The following RAPGEF2 variants were observed in gnomAD, a reference collection of about 807,000 sequenced individuals.
RAPGEF2 encodes the protein PDZ domain containing guanine nucleotide exchange factor (GEF) 1.
RAPGEF2 carries 54 observed loss-of-function variants against 186.7 expected under a neutral mutation model. That is an observed-to-expected ratio of 0.29 (90% CI 0.23 to 0.36). RAPGEF2 has a LOEUF of 0.36. RAPGEF2 is among the 10% of genes least tolerant of loss of function. The probability of loss-of-function intolerance (pLI) is 1.00; values close to 1 mark genes in which losing one functional copy is unlikely to be tolerated. For synonymous variants in RAPGEF2, 712 were observed against 705.9 expected (o/e 1.01, Z -0.14); for missense variants, 1,532 against 2,045.0 (o/e 0.75, Z 4.84).
intron 1 of RAPGEF2, among the ~76,000 whole-genome samples, chr4:159,105,560 A>G (rs1737780663): frequency 6.6e-6 from 1 of 152,228 alleles, no homozygotes. Context: ...TAATTTTACA[A>G]GAAAATTTAT....
intron 4 of RAPGEF2, among the ~76,000 whole-genome samples, chr4:159,235,025 G>C (rs1753085674): frequency 6.6e-6 from 1 of 152,274 alleles, no homozygotes; most frequent in Non-Finnish European, 1.5e-5. Context: ...CTTCCAAAGT[G>C]CTGGAATTAC....
chr4:159,288,131 C>T (rs1167718390), intron 7 of RAPGEF2, among the ~76,000 whole-genome samples: 2 of 152,158 alleles, frequency 1.3e-5, no homozygotes, highest in Non-Finnish European at 1.5e-5. Flanking sequence ...TGTATTCTCT[C>T]TATAATTTCA....
chr4:159,139,197 G>GGAACTCACAGTCCAGT (rs1742046726), intron 1 of RAPGEF2, among the ~76,000 whole-genome samples: 1 of 152,144 alleles, frequency 6.6e-6, no homozygotes, highest in African/African-American at 2.4e-5. Flanking sequence ...CATAGTGCAG[G>GGAACTCACAGTCCAGT]GAACTCACAG....
At chr4:159,259,061 C>T (rs541765308) in intron 7 of RAPGEF2, among the ~76,000 whole-genome samples, 3 of 152,192 alleles carry the variant, frequency 2.0e-5, no homozygotes, top group South Asian at 4.2e-4. Context: ...TCAGTATTTC[C>T]CCGTCAGTAG....
intron 19 of RAPGEF2, among the ~76,000 whole-genome samples, chr4:159,339,901 G>A (rs13134868): frequency 0.63 from 95,445 of 152,126 alleles, 31,555 homozygotes; most frequent in African/African-American, 0.81. Flanking sequence ...GCTGAAACCA[G>A]ACTTTACTTG....
chr4:159,340,022 T>C (rs1413179002), intron 19 of RAPGEF2, among the ~76,000 whole-genome samples: 1 of 152,244 alleles, frequency 6.6e-6, no homozygotes, highest in African/African-American at 2.4e-5. Flanking sequence ...CTGTTAGGTA[T>C]ATGTAACTTT....
chr4:159,348,849 A>T (rs1580053309), intron 25 of RAPGEF2, among the ~76,000 whole-genome samples: 1 of 152,232 alleles, frequency 6.6e-6, no homozygotes, highest in Non-Finnish European at 1.5e-5. Flanking sequence ...TTAGTTTAAC[A>T]TACACATTTA....
intron 3 of RAPGEF2, among the ~76,000 whole-genome samples, chr4:159,200,399 C>T (rs540665485): frequency 1.1e-4 from 17 of 152,130 alleles, no homozygotes; most frequent in African/African-American, 2.9e-4. Flanking sequence ...GCCTGGGAGG[C>T]GGAGGTTGCA....
rs1470685329 is a variant in RAPGEF2, at chr4:159,354,042, C to T, written c.4647C>T (p.Leu1549=). The change falls in exon 28 of 30, where the codon CTC becomes CTT. Residue 1549 remains leucine (L), a synonymous_variant. Coordinates refer to ENST00000691494, the MANE Select transcript of RAPGEF2 (RefSeq NM_001394067.2). The part of the protein sequence containing the change: ...IAVASSTTKG[L]IARKEGRYRE... ...TGGCATCAAGTACTACAAAGGGGCT[C>T]ATTGGTAAGTTTTAAAATTGGGGGA... 1 of 1,559,842 alleles carries T rather than the reference C, an allele frequency of 6.4e-7. No homozygotes were observed. Among genetic ancestry groups the T allele is most frequent in the Non-Finnish European group, 8.6e-7 (1 of 1,157,310 alleles).
At chr4:159,288,716 ACTC>A (rs1450080623) in intron 7 of RAPGEF2, among the ~76,000 whole-genome samples, 5 of 151,878 alleles carry the variant, frequency 3.3e-5, no homozygotes, top group Non-Finnish European at 5.9e-5. Flanking sequence ...CAGTGCATGA[ACTC>A]CTCAGAACCG....
At chr4:159,352,131 C>T (rs1731276985) in intron 26 of RAPGEF2, among the ~76,000 whole-genome samples, 1 of 152,152 alleles carries the variant, frequency 6.6e-6, no homozygotes, top group Non-Finnish European at 1.5e-5. Flanking sequence ...TTATGTGGTT[C>T]AACCAATATT....
intron 26 of RAPGEF2, chr4:159,351,214 AAG>A (rs1491413600): frequency 2.6e-6 from 4 of 1,524,152 alleles, no homozygotes; most frequent in Non-Finnish European, 3.5e-6. Flanking sequence ...TGGGGTGGGA[AAG>A]AGAGGAATCA....
At chr4:159,296,942 G>A (rs1021482418) in intron 7 of RAPGEF2, among the ~76,000 whole-genome samples, 8 of 152,174 alleles carry the variant, frequency 5.3e-5, no homozygotes, top group Admixed American at 4.6e-4. Flanking sequence ...GTGACAGACA[G>A]CCAGTTTTCA....
chr4:159,228,244 G>C (rs1752245545), intron 4 of RAPGEF2: 1 of 152,366 alleles, frequency 6.6e-6, no homozygotes, highest in African/African-American at 2.4e-5. Flanking sequence ...GGACTCACTG[G>C]GAGAAAACAC....
intron 7 of RAPGEF2, among the ~76,000 whole-genome samples, chr4:159,273,886 G>C (rs935236064): frequency 6.6e-6 from 1 of 152,004 alleles, no homozygotes; most frequent in African/African-American, 2.4e-5. Context: ...TCCATCTCCC[G>C]GGTTCAAGCA....
chr4:159,329,884 C>T lies in RAPGEF2; in HGVS notation c.1176C>T (p.Tyr392=). The T allele has an allele frequency of 1.2e-6, 2 of 1,612,640 alleles. No individual in the cohort carries two copies. The highest frequency in any genetic ancestry group is 1.7e-6 in the Non-Finnish European group (2 of 1,179,168). ...CQFVCIAQQD[Y]CRILNQVEKN... is the part of the protein sequence containing the mutation. The stretch of plus-strand genomic sequence containing the variant: ...TTGTCTGCATAGCCCAGCAAGATTA[C>T]TGCCGTATTCTCAATCAAGTAGAAA... Residue 392 remains tyrosine (Y), a synonymous_variant, in exon 12 of 30, where the codon TAC becomes TAT. Coordinates refer to ENST00000691494, the MANE Select transcript of RAPGEF2 (RefSeq NM_001394067.2).
rs536694483 is a variant in RAPGEF2, at chr4:159,234,389, T to C, written c.282-4420T>C. Among the ~76,000 whole-genome samples, 81 of 152,212 alleles carry C rather than the reference T, an allele frequency of 5.3e-4. 1 individual carries two copies. Among genetic ancestry groups the C allele is most frequent in the African/African-American group, 1.8e-3 (75 of 41,524 alleles). ...TGGTGTAATAGGACTTAATGAAATA[T>C]TATTATTTTTTGAGACGGAATCTTG... On this transcript the variant is annotated intron_variant, in intron 4 of 29. Transcript: ENST00000691494.
At position 159,148,628 on chromosome 4, in the gene RAPGEF2, G is replaced by GT. The variant is rs200954641; in HGVS notation, c.70-38006dup. 1.9e-4 allele frequency among the ~76,000 whole-genome samples: 29 copies of GT among 151,750 alleles called. 1 individual carries two copies. Among genetic ancestry groups the GT allele is most frequent in the South Asian group, 4.2e-4 (2 of 4,808 alleles). ...TCTATTTAAAATGGATTTTCACTGT[G>GT]TTTTTTTTCATGGCTTTCTTGGAAA... On this transcript the variant is annotated intron_variant, in intron 1 of 29. Transcript: ENST00000691494.
intron 9 of RAPGEF2, among the ~76,000 whole-genome samples, chr4:159,321,944 T>G (rs1765287851): frequency 6.6e-6 from 1 of 152,228 alleles, no homozygotes; most frequent in South Asian, 2.1e-4. Context: ...CTGACTATTT[T>G]AGGCATTCAC....
Sources: gnomAD v4.1 joint callset for allele counts (sites outside exome capture counted in the v4.1 genomes callset) on GRCh38, gnomAD v4.1.1 for gene constraint, MANE v1.5 for transcripts, NCBI Gene and HGNC (gene_info 2026-07-23, HGNC 2026-07-21) for gene names.